Variants in CLCN1 observed in about 807,000 individuals in gnomAD.
The protein encoded by CLCN1 is chloride voltage-gated channel 1, also known as chloride channel protein 1.
In CLCN1, 100 loss-of-function variants were observed where a neutral mutation model predicts 114.5. The observed-to-expected ratio is 0.87, with a 90% CI of 0.74 to 1.03. The LOEUF is 1.03. Among genes scored for constraint, CLCN1 ranks in the 50% least tolerant of loss-of-function variants. CLCN1 has a pLI of 0.00. For synonymous variants in CLCN1, 485 were observed against 487.1 expected (o/e 1.00, Z 0.06); for missense variants, 1,188 against 1,250.0 (o/e 0.95, Z 0.75).
intron 7 of CLCN1, among the ~76,000 whole-genome samples, chr7:143,325,611 A>G (rs1802554551): frequency 6.6e-6 from 1 of 152,218 alleles, no homozygotes; most frequent in Non-Finnish European, 1.5e-5. Flanking sequence ...TTACATTTAT[A>G]CCCACTTTTG....
chr7:143,346,220 C>A lies in CLCN1; in HGVS notation c.2253C>A (p.His751Gln). 6.2e-7 allele frequency: 1 copy of A among 1,613,418 alleles called. No homozygotes were observed. ...AGCCCAATGGGCCTCTGCCTGGCCA[C>A]AAACAGCAGCCGGAAGCACCAGAGC... The part of the protein sequence containing the change: ...PEEPNGPLPG[H>Q]KQQPEAPEPA... Residue 751 changes from histidine to glutamine, a missense_variant, in exon 18 of 23, where the codon CAC becomes CAA. Coordinates refer to ENST00000343257, the MANE Select transcript of CLCN1 (RefSeq NM_000083.3).
At chr7:143,338,595 G>A (rs1433926164) in intron 12 of CLCN1, among the ~76,000 whole-genome samples, 1 of 152,062 alleles carries the variant, frequency 6.6e-6, no homozygotes, top group African/African-American at 2.4e-5. Context: ...AGACCAGCCG[G>A]GGCAACATGG....
intron 7 of CLCN1, 148 bp from the exon 8 acceptor site, chr7:143,330,624 C>T: frequency 1.9e-6 from 2 of 1,036,736 alleles, no homozygotes; most frequent in Non-Finnish European, 2.9e-6. Flanking sequence ...TGGTTTTGAG[C>T]ATGGGAATCC....
intron 20 of CLCN1, among the ~76,000 whole-genome samples, chr7:143,349,758 A>G (rs994923107): frequency 1.3e-5 from 2 of 152,256 alleles, no homozygotes; most frequent in Non-Finnish European, 2.9e-5. Context: ...AATATACAGC[A>G]GCCGATACCA....
At position 143,342,276 on chromosome 7, in the gene CLCN1, T is replaced by C. The variant is rs1404236290; in HGVS notation, c.1797-96T>C. ...ATTATATTCTCATGCACCTAGTAGA[T>C]ATTGTGAGTGACTGAAAGTATGGCA... is the stretch of plus-strand genomic sequence containing the variant. On this transcript the variant is annotated intron_variant, in intron 15 of 22. Transcript: ENST00000343257. 51 of 1,506,700 alleles carry C rather than the reference T, an allele frequency of 3.4e-5. No homozygotes were observed. The East Asian group carries it at 6.1e-4, about 18-fold the overall frequency. 93.3% of individuals were successfully genotyped at this position (1,506,700 alleles called of 1,614,324 possible). A position where few individuals can be genotyped will look rare whatever the true frequency, so the allele number is the denominator to read the frequency against.
rs370409517 is a variant in CLCN1, at chr7:143,333,918, A to G, written c.1401+1045A>G. On this transcript the variant is annotated intron_variant, in intron 12 of 22. Coordinates refer to ENST00000343257, the MANE Select transcript of CLCN1 (RefSeq NM_000083.3). ...TACCCCTGGTTGTGACATCTATTACAATTGCTGATTGCTGGCCAGGTGCAG... is the reference window on the plus strand; with the variant it reads ...TACCCCTGGTTGTGACATCTATTACGATTGCTGATTGCTGGCCAGGTGCAG... Among the ~76,000 whole-genome samples, 486 of 152,314 alleles carry G rather than the reference A, an allele frequency of 3.2e-3. 1 individual carries two copies. Among genetic ancestry groups the G allele is most frequent in the African/African-American group, 0.011 (458 of 41,572 alleles).
At chr7:143,327,913 C>T (rs904091463) in intron 7 of CLCN1, among the ~76,000 whole-genome samples, 1 of 152,192 alleles carries the variant, frequency 6.6e-6, no homozygotes, top group Non-Finnish European at 1.5e-5. Flanking sequence ...CCTCGGCCTC[C>T]CAAAGTGCTG....
At position 143,350,311 on chromosome 7, in the gene CLCN1, C is replaced by G; in HGVS notation, c.2404-61C>G. 7.3e-7 allele frequency: 1 copy of G among 1,369,942 alleles called. No homozygotes were observed. Among genetic ancestry groups the G allele is most frequent in the East Asian group, 2.4e-5 (1 of 42,296 alleles). The allele number at this position is 1,369,942 out of a possible 1,614,324, so 84.9% of individuals were successfully genotyped here. A position where few individuals can be genotyped will look rare whatever the true frequency, so the allele number is the denominator to read the frequency against. ...TAGGAGGGCCGTTTGGGGTCAAAATCAGGTATCTGGGGTGAAAGGAGGCTC... is the reference window on the plus strand; with the variant it reads ...TAGGAGGGCCGTTTGGGGTCAAAATGAGGTATCTGGGGTGAAAGGAGGCTC... On this transcript the variant is annotated intron_variant, in intron 20 of 22. Transcript: ENST00000343257. The surrounding 1 kb of genome is among the most constrained non-coding windows in gnomAD (Gnocchi z 5.1).
In CLCN1 at chr7:143,332,841, GTCA is replaced by G; in HGVS notation, c.1378_1380del (p.Ile460del). 6.2e-7 allele frequency: 1 copy of G among 1,614,152 alleles called. No homozygotes were observed. On this transcript the variant is annotated inframe_deletion, in exon 12 of 23. Transcript: ENST00000343257. The stretch of plus-strand genomic sequence containing the variant: ...GTGGATTCACCCCCGGGTCAACGTT[GTCA>G]TCATCATCTTTCTCTTCTTCGTCAT...
intron 1 of CLCN1, among the ~76,000 whole-genome samples, chr7:143,318,638 A>T (rs1193640148): frequency 6.6e-6 from 1 of 152,150 alleles, no homozygotes; most frequent in Non-Finnish European, 1.5e-5. Context: ...GCCAGAACAG[A>T]TCTGGCCCTT....
rs764445259 is a variant in CLCN1 at position 143,345,640 on chromosome 7, C to G, written c.2050C>G (p.Leu684Val). ...AQEMARKLSE[L>V]PYDGKARLAG... Reference sequence around the variant, plus strand: ...AGAGATGGCGCGGAAGTTGTCGGAGCTGCCTTACGACGGGAAGGCGCGGCT... The same window carrying G: ...AGAGATGGCGCGGAAGTTGTCGGAGGTGCCTTACGACGGGAAGGCGCGGCT... Residue 684 changes from leucine to valine, a missense_variant, in exon 17 of 23, where the codon CTG (leucine) becomes GTG (valine). Leu to Val is a conservative substitution (Grantham distance 32, BLOSUM62 1). Coordinates refer to ENST00000343257, the MANE Select transcript of CLCN1 (RefSeq NM_000083.3). The G allele has an allele frequency of 5.8e-6, 9 of 1,564,726 alleles. No individual in the cohort carries two copies. The highest frequency in any genetic ancestry group is 7.8e-6 in the Non-Finnish European group (9 of 1,155,376).
rs763359882 is a variant in CLCN1, at chr7:143,351,729, G to A, written c.2731G>A (p.Glu911Lys). 2 of 1,614,188 alleles carry A rather than the reference G, an allele frequency of 1.2e-6. No homozygotes were observed. Among genetic ancestry groups the A allele is most frequent in the South Asian group, 1.1e-5 (1 of 91,088 alleles). ...TTCTGCAGAGAACTGGAACCTGCCTGAGGACAGGCCTGGGGCCACTGGAAC... is the reference window on the plus strand; with the variant it reads ...TTCTGCAGAGAACTGGAACCTGCCTAAGGACAGGCCTGGGGCCACTGGAAC... ...PSSAENWNLP[E>K]DRPGATGTGD... The change falls in exon 23 of 23, where the codon GAG becomes AAG. Residue 911 changes from glutamate (E) to lysine (K), a missense_variant. By Grantham distance (56) the Glu-to-Lys change is moderately conservative. Transcript: ENST00000343257.
At chr7:143,332,991 A>G (rs937162993) in intron 12 of CLCN1, 118 bp downstream of exon 12, 2 of 1,182,964 alleles carry the variant, frequency 1.7e-6, no homozygotes, top group Non-Finnish European at 1.3e-6. Flanking sequence ...CAACCTAAAA[A>G]TAAGTCATTT....
chr7:143,348,035 AGT>A (rs1803304243), intron 20 of CLCN1, among the ~76,000 whole-genome samples: 1 of 152,216 alleles, frequency 6.6e-6, no homozygotes, highest in Non-Finnish European at 1.5e-5. Context: ...AAGCTTGTAA[AGT>A]ATGAAGCTGA....
rs371546457 is a variant in CLCN1, at chr7:143,321,444, C to T, written c.513C>T (p.Leu171=). 6.2e-7 allele frequency: 1 copy of T among 1,614,206 alleles called. No individual in the cohort carries two copies. The highest frequency in any genetic ancestry group is 8.5e-7 in the Non-Finnish European group (1 of 1,180,024). The part of the protein sequence containing the change: ...FLVWVTFPLV[L]ILFSALFCHL... ...TCTGGGTCACCTTCCCACTAGTCCT[C>T]ATCCTCTTCAGCGCCCTCTTCTGCC... The change falls in exon 4 of 23, where the codon CTC becomes CTT. Residue 171 remains leucine (L), a synonymous_variant. Transcript: ENST00000343257. This position sits in a 1 kb window ranked among gnomAD's most constrained non-coding sequence, Gnocchi z 4.2.
At chr7:143,342,266 A>G (rs1291529066) in intron 15 of CLCN1, 106 bp from the exon 16 acceptor site, 1 of 1,482,832 alleles carries the variant, frequency 6.7e-7, no homozygotes, top group African/African-American at 1.4e-5. Context: ...ATTCTCATGC[A>G]CCTAGTAGAT....
rs1325858298 is a variant in CLCN1, at chr7:143,332,444, A to G, written c.1192A>G (p.Thr398Ala). ...KHRLLYPGIV[T>A]FVIASFTFPP... ...CCGCCTGCTGTATCCTGGAATTGTT[A>G]CCTTTGTCATTGCCTCATTCACCTT... is the stretch of plus-strand genomic sequence containing the variant. The change falls in exon 11 of 23, where the codon ACC becomes GCC. Residue 398 changes from threonine (T) to alanine (A), a missense_variant. Coordinates refer to ENST00000343257, the MANE Select transcript of CLCN1 (RefSeq NM_000083.3). The G allele has an allele frequency of 1.2e-6, 2 of 1,613,790 alleles. No homozygotes were observed. Among genetic ancestry groups the G allele is most frequent in the Non-Finnish European group, 1.7e-6 (2 of 1,179,968 alleles).
chr7:143,339,201 A>G lies in CLCN1; in HGVS notation c.1402-52A>G, dbSNP rs949881165. On this transcript the variant is annotated intron_variant, in intron 12 of 22. Transcript: ENST00000343257. This position sits in a 1 kb window ranked among gnomAD's most constrained non-coding sequence, Gnocchi z 4.1. ...ATAGTGGGAAGGGAATTGTGTGTGCATGTCTATTGGGCAGAGTTGAAAGGG... is the reference window on the plus strand; with the variant it reads ...ATAGTGGGAAGGGAATTGTGTGTGCGTGTCTATTGGGCAGAGTTGAAAGGG... 13 of 1,132,286 alleles carry G rather than the reference A, an allele frequency of 1.1e-5. No homozygotes were observed. Among genetic ancestry groups the G allele is most frequent in the Non-Finnish European group, 1.6e-5 (12 of 740,390 alleles). 70.1% of individuals were successfully genotyped at this position (1,132,286 alleles called of 1,614,324 possible). A position where few individuals can be genotyped will look rare whatever the true frequency, so the allele number is the denominator to read the frequency against.
chr7:143,343,775 CCT>C (rs769026849), intron 16 of CLCN1, among the ~76,000 whole-genome samples: 12 of 143,380 alleles, frequency 8.4e-5, no homozygotes, highest in Admixed American at 2.8e-4. Context: ...TCCCTCTTTC[CCT>C]CTCTCTCTCT....
Sources: allele counts gnomAD v4.1 joint callset (sites outside exome capture counted in the v4.1 genomes callset), GRCh38; gene constraint gnomAD v4.1.1; non-coding constraint Gnocchi (gnomAD v3.1); transcripts MANE v1.5; gene names NCBI Gene and HGNC (gene_info 2026-07-23, HGNC 2026-07-21).